Variants in SLC39A11 observed in about 807,000 individuals in gnomAD.
SLC39A11 encodes the protein zinc transporter ZIP11.
In SLC39A11, 33 loss-of-function variants were observed where a neutral mutation model predicts 36.1. The ratio of observed to expected loss-of-function variants is 0.91; its 90% CI spans 0.69 to 1.22. SLC39A11 has a LOEUF of 1.22. Among genes scored for constraint, SLC39A11 ranks in the 50% most tolerant of loss-of-function variants. SLC39A11 has a pLI of 0.00. For synonymous variants in SLC39A11, 166 were observed against 170.3 expected, an observed-to-expected ratio of 0.97 and a Z score of 0.20; for missense variants, 432 against 430.3, an observed-to-expected ratio of 1.00 and a Z score of -0.03.
intron 6 of SLC39A11, among the ~76,000 whole-genome samples, chr17:72,783,600 A>T (rs1425031546): frequency 6.6e-6 from 1 of 152,208 alleles, no homozygotes; most frequent in Non-Finnish European, 1.5e-5. Flanking sequence ...AGCTTGAATC[A>T]CAGCTATTGA....
intron 5 of SLC39A11, among the ~76,000 whole-genome samples, chr17:72,905,617 G>C (rs1237728441): frequency 1.3e-5 from 2 of 151,694 alleles, no homozygotes; most frequent in Non-Finnish European, 2.9e-5. Flanking sequence ...AAGAAGACAA[G>C]GTCTCTCTTG....
chr17:72,979,902 C>T (rs1215995482), intron 4 of SLC39A11, among the ~76,000 whole-genome samples: 1 of 152,152 alleles, frequency 6.6e-6, no homozygotes, highest in Non-Finnish European at 1.5e-5. Flanking sequence ...CCATGACTTG[C>T]TCCCCAAAGC....
At chr17:72,949,751 C>T (rs1483038960) in intron 4 of SLC39A11, among the ~76,000 whole-genome samples, 1 of 151,922 alleles carries the variant, frequency 6.6e-6, no homozygotes, top group African/African-American at 2.4e-5. Flanking sequence ...CAAACATTTT[C>T]AGGCCACAGC....
chr17:72,696,568 G>T (rs1397027758), intron 7 of SLC39A11, among the ~76,000 whole-genome samples: 2 of 152,060 alleles, frequency 1.3e-5, no homozygotes, highest in Non-Finnish European at 2.9e-5. Flanking sequence ...CCCAGGTGTT[G>T]TCTGCTGTCT....
intron 3 of SLC39A11, among the ~76,000 whole-genome samples, chr17:73,057,178 C>G (rs948042423): frequency 2.6e-5 from 4 of 152,112 alleles, no homozygotes; most frequent in African/African-American, 9.7e-5. Flanking sequence ...GTTGTCCAGG[C>G]TGGTCTTGAA....
chr17:72,830,988 C>T lies in SLC39A11; in HGVS notation c.601+18646G>A, dbSNP rs114591259. Among the ~76,000 whole-genome samples the T allele has an allele frequency of 8.8e-4, 134 of 152,206 alleles. 1 individual carries two copies. Among genetic ancestry groups the T allele is most frequent in the Middle Eastern group, 3.4e-3 (1 of 294 alleles). ...AGGGCACAGAGAAGGAAATCTAGAACGTCACTGAGACTTAGTGATTTTTGT... is the reference window on the plus strand; with the variant it reads ...AGGGCACAGAGAAGGAAATCTAGAATGTCACTGAGACTTAGTGATTTTTGT... On this transcript the variant is annotated intron_variant, in intron 6 of 9. Coordinates refer to ENST00000255559, the MANE Select transcript of SLC39A11 (RefSeq NM_139177.4).
At chr17:72,974,556 G>A (rs2087707207) in intron 4 of SLC39A11, among the ~76,000 whole-genome samples, 1 of 152,134 alleles carries the variant, frequency 6.6e-6, no homozygotes, top group Admixed American at 6.5e-5. Flanking sequence ...TGTGTTTTAA[G>A]CTAAGTGTTA....
chr17:72,963,460 G>A (rs553060009), intron 4 of SLC39A11, among the ~76,000 whole-genome samples: 4 of 152,070 alleles, frequency 2.6e-5, no homozygotes, highest in South Asian at 4.2e-4. Flanking sequence ...GTGAGCCACC[G>A]CGCCCGGCCA....
At chr17:72,705,151 T>C (rs1192253736) in intron 7 of SLC39A11, among the ~76,000 whole-genome samples, 5 of 152,184 alleles carry the variant, frequency 3.3e-5, no homozygotes, top group Non-Finnish European at 2.9e-5. Context: ...TTTAGGACAA[T>C]ATGAATTGTG....
intron 6 of SLC39A11, among the ~76,000 whole-genome samples, chr17:72,784,536 C>A (rs1346787086): frequency 1.3e-5 from 2 of 152,080 alleles, no homozygotes; most frequent in African/African-American, 4.8e-5. Context: ...TTTGACCCTG[C>A]TCAAATATCA....
At chr17:72,885,916 T>C (rs192375646) in intron 5 of SLC39A11, among the ~76,000 whole-genome samples, 24 of 152,358 alleles carry the variant, frequency 1.6e-4, no homozygotes, top group African/African-American at 5.3e-4. Context: ...CTACTGAGAC[T>C]GCTTTTGTCG....
At chr17:72,915,327 C>G (rs934997411) in intron 5 of SLC39A11, among the ~76,000 whole-genome samples, 2 of 152,294 alleles carry the variant, frequency 1.3e-5, no homozygotes, top group South Asian at 2.1e-4. Context: ...CTGTAGCCCA[C>G]CAGAATTGTT....
At chr17:72,940,834 T>C (rs1030751370) in intron 5 of SLC39A11, among the ~76,000 whole-genome samples, 7 of 152,142 alleles carry the variant, frequency 4.6e-5, no homozygotes, top group Non-Finnish European at 1.0e-4. Flanking sequence ...CTGAATCACG[T>C]CCCCCGCTTC....
chr17:72,697,472 G>C (rs570789389), intron 7 of SLC39A11, among the ~76,000 whole-genome samples: 62 of 152,328 alleles, frequency 4.1e-4, no homozygotes, highest in Non-Finnish European at 5.6e-4. Context: ...ATCAGGGACA[G>C]AGGGTGGAGG....
intron 5 of SLC39A11, among the ~76,000 whole-genome samples, chr17:72,914,337 A>T (rs1483249077): frequency 6.6e-6 from 1 of 150,608 alleles, no homozygotes. Flanking sequence ...AAAAGAAAAA[A>T]GAATACAAAA....
At chr17:72,849,145 C>T (rs1359428544) in intron 6 of SLC39A11, among the ~76,000 whole-genome samples, 2 of 152,134 alleles carry the variant, frequency 1.3e-5, no homozygotes, top group Non-Finnish European at 2.9e-5. Context: ...AGGTCTCATC[C>T]TCATCCTCTT....
intron 3 of SLC39A11, among the ~76,000 whole-genome samples, chr17:73,081,634 C>CAT (rs1461205129): frequency 0.026 from 484 of 18,540 alleles, 1 homozygote; most frequent in African/African-American, 0.064. Context: ...TATATACATA[C>CAT]ACACACACAC....
At chr17:72,726,949 C>T (rs1375845730) in intron 7 of SLC39A11, among the ~76,000 whole-genome samples, 1 of 152,160 alleles carries the variant, frequency 6.6e-6, no homozygotes, top group African/African-American at 2.4e-5. Context: ...CCGGTCATAT[C>T]TTGGGGATGT....
rs188629762 is a variant in SLC39A11, at chr17:72,872,589, A to T, written c.431-22785T>A. The stretch of plus-strand genomic sequence containing the variant: ...ACATAGCTGATCCATCTTGCTTCTA[A>T]CCTCATAAGCTGTCATCCCTGGACA... On this transcript the variant is annotated intron_variant, in intron 5 of 9. Transcript: ENST00000255559. Among the ~76,000 whole-genome samples, 273 of 152,298 alleles carry T rather than the reference A, an allele frequency of 1.8e-3. 1 individual carries two copies. Among genetic ancestry groups the T allele is most frequent in the African/African-American group, 6.2e-3 (257 of 41,570 alleles).
Sources: gnomAD v4.1 joint callset for allele counts (sites outside exome capture counted in the v4.1 genomes callset) on GRCh38, gnomAD v4.1.1 for gene constraint, MANE v1.5 for transcripts, NCBI Gene and HGNC (gene_info 2026-07-23, HGNC 2026-07-21) for gene names.